Variants in SERTAD1 observed in about 807,000 individuals in gnomAD.
The protein encoded by SERTAD1 is SERTA domain-containing protein 1.
In SERTAD1, 5 loss-of-function variants were observed where a neutral mutation model predicts 11.7. The ratio of observed to expected loss-of-function variants is 0.43; its 90% CI spans 0.22 to 0.90. SERTAD1 has a LOEUF of 0.90. SERTAD1 is among the 40% of genes least tolerant of loss of function. The pLI is 0.27. For missense variants in SERTAD1, 287 were observed against 313.9 expected, an observed-to-expected ratio of 0.91 and a Z score of 0.65; for synonymous variants, 139 against 141.4, an observed-to-expected ratio of 0.98 and a Z score of 0.12.
Position 40,422,794 on chromosome 19 carries a change from A to G in SERTAD1, c.*42T>C, listed in dbSNP as rs372415034. 1.0e-5 allele frequency: 16 copies of G among 1,530,354 alleles called. 1 individual carries two copies. Among genetic ancestry groups the G allele is most frequent in the Non-Finnish European group, 1.2e-5 (14 of 1,137,342 alleles). 94.8% of individuals were successfully genotyped at this position (1,530,354 alleles called of 1,614,324 possible). ...TTCGAGGACAGTTGGTCCAGCCAGCAGGCTCAGTTCAGATACCAGACAACC... is the reference window on the plus strand; with the variant it reads ...TTCGAGGACAGTTGGTCCAGCCAGCGGGCTCAGTTCAGATACCAGACAACC... On this transcript the variant is annotated 3_prime_UTR_variant, in exon 2 of 2. Transcript: ENST00000357949.
chr19:40,421,885 A>G lies in SERTAD1; in HGVS notation c.*951T>C, dbSNP rs932079892. ...AAAAAAAGGCCAGGCACAGTGGCTC[A>G]CGCCTGTAATCCCAGCACTTTGGGA... On this transcript the variant is annotated 3_prime_UTR_variant, in exon 2 of 2. Coordinates refer to ENST00000357949, the MANE Select transcript of SERTAD1 (RefSeq NM_013376.4). 6.6e-6 allele frequency: 1 copy of G among 152,006 alleles called. No individual in the cohort carries two copies. The highest frequency in any genetic ancestry group is 1.5e-5 in the Non-Finnish European group (1 of 68,008). The allele number at this position is 152,006 out of a possible 1,614,324, so 9.4% of individuals were successfully genotyped here.
rs2145757101 is a variant in SERTAD1, at chr19:40,423,133, C to T, written c.414G>A (p.Glu138=). 1.9e-6 allele frequency: 3 copies of T among 1,602,530 alleles called. No homozygotes were observed. The highest frequency in any genetic ancestry group is 2.6e-6 in the Non-Finnish European group (3 of 1,175,110). ...LSQAPQPLAD[E]GPPGRSIGGA... ...CCCCGATGCTACGGCCTGGTGGCCCCTCGTCTGCCAAGGGTTGGGGAGCCT... is the reference window on the plus strand; with the variant it reads ...CCCCGATGCTACGGCCTGGTGGCCCTTCGTCTGCCAAGGGTTGGGGAGCCT... Residue 138 remains glutamate, a synonymous_variant, in exon 2 of 2, where the codon GAG becomes GAA. Coordinates refer to ENST00000357949, the MANE Select transcript of SERTAD1 (RefSeq NM_013376.4).
chr19:40,423,657 A>C, intron 1 of SERTAD1, 111 bp from the exon 2 acceptor site: 1 of 653,624 alleles, frequency 1.5e-6, no homozygotes, highest in East Asian at 2.8e-5. Context: ...AAGTCACTTA[A>C]CCTCTCTGTG....
chr19:40,425,485 T>C (rs2079613280), intron 1 of SERTAD1, among the ~76,000 whole-genome samples: 1 of 152,114 alleles, frequency 6.6e-6, no homozygotes, highest in African/African-American at 2.4e-5. Flanking sequence ...CTGGCCCCTC[T>C]GACCCCAGGA....
chr19:40,423,434 G>C lies in SERTAD1; in HGVS notation c.113C>G (p.Pro38Arg), dbSNP rs143056697. Residue 38 changes from proline (P) to arginine (R), a missense_variant, in exon 2 of 2, where the codon CCG becomes CGG. Pro to Arg is a moderately radical substitution (Grantham distance 103, BLOSUM62 -2). Transcript: ENST00000357949. Reference protein sequence around the residue: ...PGHTAVAQAPPAVASSSLFDL... With the variant: ...PGHTAVAQAPRAVASSSLFDL... ...AAAGAGGGAGCTAGAGGCCACGGCC[G>C]GGGGTGCCTGTGCCACCGCTGTGTG... is the stretch of plus-strand genomic sequence containing the variant. 6.2e-7 allele frequency: 1 copy of C among 1,612,966 alleles called. No homozygotes were observed. The highest frequency in any genetic ancestry group is 8.5e-7 in the Non-Finnish European group (1 of 1,180,026).
At position 40,423,206 on chromosome 19, in the gene SERTAD1, G is replaced by A. The variant is rs1313499949; in HGVS notation, c.341C>T (p.Ser114Phe). Residue 114 changes from serine to phenylalanine, a missense_variant, in exon 2 of 2, where the codon TCC (serine) becomes TTC (phenylalanine). By Grantham distance (155) the Ser-to-Phe change is radical. Transcript: ENST00000357949. ...LASSDAALSA[S>F]MASLLEDLSH... ...GAGGTCCTCCAGGAGGCTGGCCATG[G>A]AGGCTGAAAGGGCAGCGTCCGAGCT... 2.5e-6 allele frequency: 4 copies of A among 1,601,034 alleles called. No homozygotes were observed. The African/African-American group carries it at 4.0e-5, about 16-fold the overall frequency.
chr19:40,424,160 C>A (rs897133097), intron 1 of SERTAD1, among the ~76,000 whole-genome samples: 2 of 151,812 alleles, frequency 1.3e-5, no homozygotes, highest in African/African-American at 2.4e-5. Context: ...ATCCTCCCCC[C>A]TCAGTCAATA....
chr19:40,425,220 C>CG lies in SERTAD1; in HGVS notation c.-1+646dup, dbSNP rs531126517. ...TGAGGGTCCACTGTTCTTGGAGTGG[C>CG]GGGGGTAGGGCTGGAGTTTTGGACT... On this transcript the variant is annotated intron_variant, in intron 1 of 1. Coordinates refer to ENST00000357949, the MANE Select transcript of SERTAD1 (RefSeq NM_013376.4). 3.7e-3 allele frequency among the ~76,000 whole-genome samples: 569 copies of CG among 152,148 alleles called. 6 individuals are homozygous for CG. The highest frequency in any genetic ancestry group is 0.013 in the African/African-American group (543 of 41,498).
intron 1 of SERTAD1, among the ~76,000 whole-genome samples, chr19:40,423,933 G>A (rs1398077923): frequency 6.6e-6 from 1 of 152,040 alleles, no homozygotes; most frequent in Non-Finnish European, 1.5e-5. Flanking sequence ...CACCATGTTG[G>A]CCAGGCTGGT....
intron 1 of SERTAD1, among the ~76,000 whole-genome samples, chr19:40,424,352 C>A (rs1568724573): frequency 6.6e-6 from 1 of 152,016 alleles, no homozygotes; most frequent in African/African-American, 2.4e-5. Context: ...ATTATTATTT[C>A]TTCAGTGAAC....
rs1408027441 is a variant in SERTAD1 at position 40,422,497 on chromosome 19, C to T, written c.*339G>A. 1.3e-5 allele frequency: 4 copies of T among 300,260 alleles called. No individual in the cohort carries two copies. The highest frequency in any genetic ancestry group is 4.8e-5 in the Admixed American group (1 of 20,764). The allele number at this position is 300,260 out of a possible 1,614,324, so 18.6% of individuals were successfully genotyped here. On this transcript the variant is annotated 3_prime_UTR_variant, in exon 2 of 2. Transcript: ENST00000357949. ...ATTTGCCCAGAGACAAAGCAGCACA[C>T]GGATTTGAGATTTCCCAGGACTGGC...
Position 40,423,056 on chromosome 19 carries a change from C to T in SERTAD1, c.491G>A (p.Cys164Tyr), listed in dbSNP as rs148598399. 5 of 1,580,154 alleles carry T rather than the reference C, an allele frequency of 3.2e-6. No individual in the cohort carries two copies. Among genetic ancestry groups the T allele is most frequent in the Non-Finnish European group, 4.3e-6 (5 of 1,162,832 alleles). The change falls in exon 2 of 2, where the codon TGT becomes TAT. Residue 164 changes from cysteine to tyrosine, a missense_variant. Physicochemically the swap from Cys to Tyr is radical, Grantham distance 194 (BLOSUM62 -2). Transcript: ENST00000357949. The part of the protein sequence containing the change: ...ALDLLGPATG[C>Y]LLDDGLEGLF... ...GCCCTCAAGCCCATCGTCCAGTAGA[C>T]AGCCAGTGGCTGGGCCCAGCAGGTC...
At chr19:40,424,694 C>T (rs542342035) in intron 1 of SERTAD1, among the ~76,000 whole-genome samples, 1 of 152,136 alleles carries the variant, frequency 6.6e-6, no homozygotes, top group South Asian at 2.1e-4. Flanking sequence ...AAAAGCATTC[C>T]GGGAGGAGGG....
chr19:40,423,559 G>A lies in SERTAD1; in HGVS notation c.1-13C>T, dbSNP rs772817514. ...CCTTGCTCAGCATCTGCAGAGGGCA[G>A]GGAGTTATGGAGTTATAGTCAGTTA... On this transcript the variant is annotated splice_polypyrimidine_tract_variant and intron_variant, in intron 1 of 1. Coordinates refer to ENST00000357949, the MANE Select transcript of SERTAD1 (RefSeq NM_013376.4). 2.7e-6 allele frequency: 4 copies of A among 1,491,674 alleles called. No homozygotes were observed. The South Asian group carries it at 3.6e-5, about 13-fold the overall frequency. 92.4% of individuals were successfully genotyped at this position (1,491,674 alleles called of 1,614,324 possible). A position where few individuals can be genotyped will look rare whatever the true frequency, so the allele number is the denominator to read the frequency against.
In SERTAD1 at chr19:40,422,661, G is replaced by T; in HGVS notation, c.*175C>A. ...TAGGGGGTAATTCCAGGCTCCCCCT[G>T]CCAGCCCTGAGACAGGAGGACGGAT... On this transcript the variant is annotated 3_prime_UTR_variant, in exon 2 of 2. Transcript: ENST00000357949. The T allele has an allele frequency of 1.5e-6, 1 of 667,914 alleles. No individual in the cohort carries two copies. Among genetic ancestry groups the T allele is most frequent in the African/African-American group, 1.8e-5 (1 of 54,840 alleles). The allele number at this position is 667,914 out of a possible 1,614,324, so 41.4% of individuals were successfully genotyped here.
intron 1 of SERTAD1, among the ~76,000 whole-genome samples, chr19:40,425,347 A>T (rs1273832811): frequency 6.6e-6 from 1 of 152,174 alleles, no homozygotes; most frequent in Non-Finnish European, 1.5e-5. Context: ...TACTCAAAAC[A>T]GGGTCTTCGT....
chr19:40,423,296 G>C lies in SERTAD1; in HGVS notation c.251C>G (p.Ala84Gly). Residue 84 changes from alanine to glycine, a missense_variant, in exon 2 of 2, where the codon GCG becomes GGG. Physicochemically the swap from Ala to Gly is moderately conservative, Grantham distance 60 (BLOSUM62 0). Coordinates refer to ENST00000357949, the MANE Select transcript of SERTAD1 (RefSeq NM_013376.4). ...GCTAGGCACAGGTGGCAGGGCAGCC[G>C]CGGGTGCCATGGACGCCTGGATGCG... ...LRRIQASMAP[A>G]AALPPVPSPP... is the part of the protein sequence containing the mutation. 1.2e-6 allele frequency: 2 copies of C among 1,608,646 alleles called. No individual in the cohort carries two copies. Among genetic ancestry groups the C allele is most frequent in the South Asian group, 2.2e-5 (2 of 90,668 alleles).
chr19:40,425,627 G>A (rs1000932809), intron 1 of SERTAD1, among the ~76,000 whole-genome samples: 3 of 152,194 alleles, frequency 2.0e-5, no homozygotes, highest in Admixed American at 6.5e-5. Context: ...GGCTCCTCCC[G>A]AAGCGGCGGC....
intron 1 of SERTAD1, 41 bp from the exon 2 acceptor site, chr19:40,423,587 G>C (rs751525108): frequency 2.3e-6 from 3 of 1,292,832 alleles, no homozygotes; most frequent in Non-Finnish European, 3.2e-6. Context: ...GTCAGTTATA[G>C]AAAACAAATG....
Sources: allele counts gnomAD v4.1 joint callset (sites outside exome capture counted in the v4.1 genomes callset), GRCh38; gene constraint gnomAD v4.1.1; transcripts MANE v1.5; gene names NCBI Gene and HGNC (gene_info 2026-07-23, HGNC 2026-07-21).